KRABD5: variants seen among roughly 807,000 people sequenced by gnomAD.
KRABD5 encodes KRAB domain-containing protein 5.
the KRABD5 span, chr16:31,723,150 G>T: frequency 8.2e-7 from 1 of 1,218,592 alleles, no homozygotes. Flanking sequence ...ATTTGGGGAA[G>T]TAATTTTCTA....
chr16:31,735,464 T>G, the KRABD5 span, among the ~76,000 whole-genome samples: 2 of 152,230 alleles, frequency 1.3e-5, no homozygotes, highest in African/African-American at 4.8e-5. Flanking sequence ...ACAGCTGTAT[T>G]TTTAATTTTT....
chr16:31,731,347 C>T, the KRABD5 span, among the ~76,000 whole-genome samples: 2 of 115,764 alleles, frequency 1.7e-5, no homozygotes, highest in African/African-American at 6.0e-5. Context: ...GATCCCGTCT[C>T]TTCTCTGGGA....
the KRABD5 span, chr16:31,755,017 T>A: frequency 2.1e-6 from 1 of 471,450 alleles, no homozygotes; most frequent in Non-Finnish European, 4.3e-6. Context: ...TTCTTGTGCA[T>A]CAGAGAATTC....
chr16:31,716,997 G>GTTTTTTTT, the KRABD5 span, among the ~76,000 whole-genome samples: 12 of 81,158 alleles, frequency 1.5e-4, no homozygotes, highest in East Asian at 6.5e-4. Context: ...GTCAGTCTTT[G>GTTTTTTTT]TTTTTTTTTT....
At chr16:31,736,140 G>A in the KRABD5 span, among the ~76,000 whole-genome samples, 4 of 152,096 alleles carry the variant, frequency 2.6e-5, no homozygotes, top group East Asian at 1.9e-4. Flanking sequence ...TTCCTGCACC[G>A]TTTATTAAAG....
the KRABD5 span, among the ~76,000 whole-genome samples, chr16:31,746,995 T>A: frequency 2.2e-4 from 34 of 152,026 alleles, no homozygotes; most frequent in East Asian, 1.4e-3. Flanking sequence ...TTTTTTTTTT[T>A]AATTATTATT....
At chr16:31,745,894 A>G in the KRABD5 span, among the ~76,000 whole-genome samples, 1 of 150,800 alleles carries the variant, frequency 6.6e-6, no homozygotes, top group Non-Finnish European at 1.5e-5. Flanking sequence ...GCTTGTTTTG[A>G]TATTTGTTGG....
the KRABD5 span, among the ~76,000 whole-genome samples, chr16:31,718,698 A>G: frequency 6.6e-6 from 1 of 152,138 alleles, no homozygotes. Context: ...CTACACGTGG[A>G]TCCAGAATCT....
chr16:31,754,899 A>G, the KRABD5 span: 2 of 455,530 alleles, frequency 4.4e-6, no homozygotes, highest in Non-Finnish European at 4.5e-6. Flanking sequence ...GAATGTGGCA[A>G]AGCCTTCAAT....
chr16:31,719,294 GTTA>G, the KRABD5 span, among the ~76,000 whole-genome samples: 40 of 152,276 alleles, frequency 2.6e-4, no homozygotes, highest in South Asian at 5.2e-3. Context: ...CAGAAGAGTT[GTTA>G]TTATTATTTC....
chr16:31,736,136 C>A, the KRABD5 span, among the ~76,000 whole-genome samples: 2 of 152,164 alleles, frequency 1.3e-5, no homozygotes, highest in Non-Finnish European at 2.9e-5. Context: ...ATTTTTCCTG[C>A]ACCGTTTATT....
At chr16:31,732,111 A>G in the KRABD5 span, among the ~76,000 whole-genome samples, 1 of 152,132 alleles carries the variant, frequency 6.6e-6, no homozygotes, top group East Asian at 1.9e-4. Context: ...AGATATAGCA[A>G]TTTTTTTGTT....
At chr16:31,727,974 A>G in the KRABD5 span, among the ~76,000 whole-genome samples, 2 of 152,002 alleles carry the variant, frequency 1.3e-5, no homozygotes, top group East Asian at 3.9e-4. Flanking sequence ...TTATTCTCCC[A>G]TCTCCCAAGT....
the KRABD5 span, among the ~76,000 whole-genome samples, chr16:31,731,259 C>T: frequency 1.3e-5 from 2 of 152,170 alleles, no homozygotes; most frequent in Non-Finnish European, 2.9e-5. Context: ...TGTGTTGGAG[C>T]CATGTCACAT....
the KRABD5 span, among the ~76,000 whole-genome samples, chr16:31,720,727 C>G: frequency 2.0e-5 from 3 of 152,284 alleles, no homozygotes; most frequent in African/African-American, 7.2e-5. Flanking sequence ...CTGCCAGATT[C>G]CTTCACTAGT....
the KRABD5 span, among the ~76,000 whole-genome samples, chr16:31,747,851 T>C: frequency 6.6e-6 from 1 of 152,362 alleles, no homozygotes; most frequent in African/African-American, 2.4e-5. Flanking sequence ...GTTTTTTTCT[T>C]GTAAACTTGT....
chr16:31,721,913 T>G, the KRABD5 span, among the ~76,000 whole-genome samples: 1 of 152,234 alleles, frequency 6.6e-6, no homozygotes, highest in Non-Finnish European at 1.5e-5. Context: ...TTGAACCAGT[T>G]CTGCAGTTTA....
chr16:31,723,368 A>G, the KRABD5 span: 1 of 1,606,636 alleles, frequency 6.2e-7, no homozygotes, highest in Middle Eastern at 1.7e-4. Context: ...GTGGGAGTGA[A>G]TGAAGTAGAT....
At chr16:31,743,187 G>C in the KRABD5 span, among the ~76,000 whole-genome samples, 2 of 152,114 alleles carry the variant, frequency 1.3e-5, no homozygotes, top group African/African-American at 4.8e-5. Flanking sequence ...TAGTCGTGAA[G>C]TCTTTGCCCA....
Sources: gnomAD v4.1 joint callset for allele counts (sites outside exome capture counted in the v4.1 genomes callset) on GRCh38, gnomAD v4.1.1 for gene constraint, MANE v1.5 for transcripts, NCBI Gene and HGNC (gene_info 2026-07-23, HGNC 2026-07-21) for gene names.